The following MEIS1 variants were observed in gnomAD, a reference collection of about 807,000 sequenced individuals.
MEIS1 encodes homeobox protein Meis1.
In MEIS1, 5 loss-of-function variants were observed where a neutral mutation model predicts 50.8. The ratio of observed to expected loss-of-function variants is 0.10; its 90% CI spans 0.05 to 0.21. The LOEUF (loss-of-function observed/expected upper bound fraction) is 0.21. Ranked by LOEUF, MEIS1 falls within the 10% of genes least tolerant of loss-of-function variation. The probability of loss-of-function intolerance (pLI) is 1.00; values close to 1 mark genes in which losing one functional copy is unlikely to be tolerated. For missense variants in MEIS1, 318 were observed against 517.3 expected (o/e 0.61, Z 3.74); for synonymous variants, 176 against 179.3 (o/e 0.98, Z 0.15).
At chr2:66,475,534 C>T (rs1447127550) in intron 7 of MEIS1, among the ~76,000 whole-genome samples, 3 of 151,894 alleles carry the variant, frequency 2.0e-5, no homozygotes, top group Admixed American at 6.6e-5. Context: ...ATTATAAGAT[C>T]ATGTACAATG....
At chr2:66,497,112 C>A (rs1466761041) in intron 7 of MEIS1, among the ~76,000 whole-genome samples, 1 of 152,094 alleles carries the variant, frequency 6.6e-6, no homozygotes, top group African/African-American at 2.4e-5. Flanking sequence ...GGAGAGCATA[C>A]AGCAATAAGA....
rs1675492134 is a variant in MEIS1 at position 66,571,732 on chromosome 2, CAA to C, written c.*526_*527del. 5.2e-6 allele frequency: 3 copies of C among 581,738 alleles called. No homozygotes were observed. The South Asian group carries it at 6.8e-5, about 13-fold the overall frequency. The allele number at this position is 581,738 out of a possible 1,614,324, so 36.0% of individuals were successfully genotyped here. A position where few individuals can be genotyped will look rare whatever the true frequency, so the allele number is the denominator to read the frequency against. ...ATAACTATATAAGACATTAAGAGAA[CAA>C]AGAGTGAAATATTGTAAATGCTATT... On this transcript the variant is annotated 3_prime_UTR_variant, in exon 13 of 13. Coordinates refer to ENST00000272369, the MANE Select transcript of MEIS1 (RefSeq NM_002398.3).
At chr2:66,480,214 T>A (rs1192237456) in intron 7 of MEIS1, among the ~76,000 whole-genome samples, 1 of 152,242 alleles carries the variant, frequency 6.6e-6, no homozygotes, top group Non-Finnish European at 1.5e-5. Context: ...TATGTGAGGA[T>A]AAGTAAATGT....
chr2:66,494,594 A>G lies in MEIS1; in HGVS notation c.743-17555A>G, dbSNP rs1005599712. On this transcript the variant is annotated intron_variant, in intron 7 of 12. Coordinates refer to ENST00000272369, the MANE Select transcript of MEIS1 (RefSeq NM_002398.3). ...TAAACAGGCCGTGTAAAGGTGGTGT[A>G]ATATCAGCTATAATTCGCACATGGA... Among the ~76,000 whole-genome samples, 3 of 152,254 alleles carry G rather than the reference A, an allele frequency of 2.0e-5. No individual in the cohort carries two copies. In the East Asian group the frequency reaches 5.8e-4, roughly 29 times the overall value.
chr2:66,476,810 T>C (rs1672904496), intron 7 of MEIS1, among the ~76,000 whole-genome samples: 1 of 152,006 alleles, frequency 6.6e-6, no homozygotes, highest in Admixed American at 6.6e-5. Context: ...TAGAAGAAAT[T>C]GGTTTTCTAT....
At chr2:66,486,245 T>C (rs1418552243) in intron 7 of MEIS1, among the ~76,000 whole-genome samples, 1 of 152,248 alleles carries the variant, frequency 6.6e-6, no homozygotes, top group African/African-American at 2.4e-5. Context: ...TATGTTTAAA[T>C]CTTTAATCCA....
intron 11 of MEIS1, 94 bp downstream of exon 11, chr2:66,568,850 T>C (rs980916883): frequency 4.8e-6 from 6 of 1,244,054 alleles, no homozygotes; most frequent in Non-Finnish European, 5.9e-6. Flanking sequence ...CCTTTTCTGT[T>C]ATCTCAAGCT....
chr2:66,541,031 A>G (rs1453805715), intron 8 of MEIS1, among the ~76,000 whole-genome samples: 1 of 151,276 alleles, frequency 6.6e-6, no homozygotes, highest in Non-Finnish European at 1.5e-5. Flanking sequence ...ATTTTATTTT[A>G]TTATTTTTTA....
chr2:66,465,829 A>G (rs370019618), intron 7 of MEIS1, among the ~76,000 whole-genome samples: 2 of 152,288 alleles, frequency 1.3e-5, no homozygotes, highest in East Asian at 3.9e-4. Flanking sequence ...CAAATGCCCA[A>G]TACCAGTTCT....
At chr2:66,495,166 A>G (rs1363284550) in intron 7 of MEIS1, among the ~76,000 whole-genome samples, 2 of 143,538 alleles carry the variant, frequency 1.4e-5, no homozygotes, top group African/African-American at 5.3e-5. Context: ...CACTCAGGCC[A>G]GTTTTTATAA....
intron 7 of MEIS1, among the ~76,000 whole-genome samples, chr2:66,483,216 A>ATTTTTT (rs774480552): frequency 1.7e-5 from 2 of 121,192 alleles, no homozygotes. Context: ...AGTTATGCTT[A>ATTTTTT]TTTTTTTTTT....
intron 7 of MEIS1, 85 bp downstream of exon 7, chr2:66,464,305 A>G (rs1383728872): frequency 1.8e-5 from 20 of 1,097,094 alleles, no homozygotes; most frequent in Non-Finnish European, 2.6e-5. Flanking sequence ...TACTAAGTAT[A>G]CAGTTTTTCC....
chr2:66,435,691 T>C lies in MEIS1; in HGVS notation c.-166T>C. On this transcript the variant is annotated 5_prime_UTR_variant, in exon 1 of 13. Transcript: ENST00000272369. ...TGCTTCAGGTCCCGTAGACCGAAGATCTGGGACCAGTAGCTCACGTTGCTG... is the reference window on the plus strand; with the variant it reads ...TGCTTCAGGTCCCGTAGACCGAAGACCTGGGACCAGTAGCTCACGTTGCTG... The C allele has an allele frequency of 1.7e-6, 1 of 596,044 alleles. No individual in the cohort carries two copies. The allele number at this position is 596,044 out of a possible 1,614,324, so 36.9% of individuals were successfully genotyped here.
chr2:66,478,559 A>G (rs1416238589), intron 7 of MEIS1, among the ~76,000 whole-genome samples: 1 of 152,220 alleles, frequency 6.6e-6, no homozygotes, highest in African/African-American at 2.4e-5. Context: ...GAGCTTCATG[A>G]TGAATTGGAA....
intron 6 of MEIS1, among the ~76,000 whole-genome samples, chr2:66,446,892 C>T (rs1672165191): frequency 6.6e-6 from 1 of 152,224 alleles, no homozygotes; most frequent in Non-Finnish European, 1.5e-5. Flanking sequence ...GTCCTGGGAA[C>T]TCTGATGGCG....
At chr2:66,465,297 G>T (rs1165599991) in intron 7 of MEIS1, among the ~76,000 whole-genome samples, 1 of 152,210 alleles carries the variant, frequency 6.6e-6, no homozygotes, top group Non-Finnish European at 1.5e-5. Context: ...ACATTTTATT[G>T]TTCAAAGAAA....
In MEIS1 at chr2:66,548,000, A is replaced by T; in HGVS notation, c.946A>T (p.Ile316Phe). The T allele has an allele frequency of 6.2e-7, 1 of 1,613,014 alleles. No individual in the cohort carries two copies. Among genetic ancestry groups the T allele is most frequent in the Non-Finnish European group, 8.5e-7 (1 of 1,179,258 alleles). ...KQLAQDTGLT[I>F]LQVNNWFINA... ...GTTGGCACAAGACACGGGACTCACCATCCTTCAAGTGAACAATTGGTAAGT... is the reference window on the plus strand; with the variant it reads ...GTTGGCACAAGACACGGGACTCACCTTCCTTCAAGTGAACAATTGGTAAGT... The change falls in exon 9 of 13, where the codon ATC becomes TTC. Residue 316 changes from isoleucine (I) to phenylalanine (F), a missense_variant. Around this residue, in one of 6 missense-constraint regions of MEIS1, gnomAD observed 40 missense variants for 102.8 expected, o/e 0.39. Coordinates refer to ENST00000272369, the MANE Select transcript of MEIS1 (RefSeq NM_002398.3).
chr2:66,448,212 T>TC (rs1222252507), intron 6 of MEIS1, among the ~76,000 whole-genome samples: 1 of 152,170 alleles, frequency 6.6e-6, no homozygotes, highest in Non-Finnish European at 1.5e-5. Flanking sequence ...GCTAGAATTG[T>TC]CCAACTTTGA....
chr2:66,543,177 T>G (rs956760197), intron 8 of MEIS1, among the ~76,000 whole-genome samples: 2 of 152,142 alleles, frequency 1.3e-5, no homozygotes, highest in African/African-American at 4.8e-5. Context: ...AGGCTTAACT[T>G]TTACATAAGC....
Sources: allele counts gnomAD v4.1 joint callset (sites outside exome capture counted in the v4.1 genomes callset), GRCh38; gene constraint gnomAD v4.1.1; regional missense constraint gnomAD v4.1.1; transcripts MANE v1.5; gene names NCBI Gene and HGNC (gene_info 2026-07-23, HGNC 2026-07-21).